CATSPERB: variants seen among roughly 807,000 people sequenced by gnomAD.
The protein encoded by CATSPERB is catsper channel auxiliary subunit beta, also known as cation channel sperm-associated auxiliary subunit beta.
CATSPERB carries 93 observed loss-of-function variants against 128.3 expected under a neutral mutation model. The observed-to-expected ratio is 0.72, with a 90% CI of 0.61 to 0.86. CATSPERB has a LOEUF of 0.86. Ranked by LOEUF, CATSPERB falls within the 40% of genes least tolerant of loss-of-function variation. CATSPERB has a pLI of 0.00. For missense variants in CATSPERB, 1,153 were observed against 1,329.5 expected (o/e 0.87, Z 2.06); for synonymous variants, 381 against 448.8 (o/e 0.85, Z 1.91).
At position 91,721,707 on chromosome 14, in the gene CATSPERB, A is replaced by G. The variant is rs111484352; in HGVS notation, c.309+1342T>C. ...CTACTAAAAATACAAAAAATTAGCC[A>G]GGTTTGGTGGCGGATGCCTGTAGTC... On this transcript the variant is annotated intron_variant, in intron 4 of 26. Transcript: ENST00000256343. Among the ~76,000 whole-genome samples, 944 of 152,180 alleles carry G rather than the reference A, an allele frequency of 6.2e-3. 15 individuals carry two copies. The highest frequency in any genetic ancestry group is 0.021 in the African/African-American group (888 of 41,514).
rs1371834840 is a variant in CATSPERB at position 91,689,169 on chromosome 14, C to T, written c.864+2354G>A. ...GGGAGAATGCAGCTCTCCCGGTAGG[C>T]CCATCTCTAGCCTTACTCTCAGCCA... On this transcript the variant is annotated intron_variant, in intron 10 of 26. Coordinates refer to ENST00000256343, the MANE Select transcript of CATSPERB (RefSeq NM_024764.4). Among the ~76,000 whole-genome samples, 13 of 152,310 alleles carry T rather than the reference C, an allele frequency of 8.5e-5. No individual in the cohort carries two copies. In the East Asian group the frequency reaches 2.5e-3, roughly 29 times the overall value.
chr14:91,605,438 A>T, intron 22 of CATSPERB: 1 of 494,930 alleles, frequency 2.0e-6, no homozygotes, highest in Non-Finnish European at 3.6e-6. Flanking sequence ...AAGCGAAAGT[A>T]TCAAGAGGTT....
intron 11 of CATSPERB, among the ~76,000 whole-genome samples, chr14:91,675,384 G>A (rs1895176131): frequency 6.6e-6 from 1 of 152,200 alleles, no homozygotes. Context: ...CAGGGAAAGT[G>A]ACAAGTGAAG....
At chr14:91,713,497 C>T (rs1341604739) in intron 5 of CATSPERB, among the ~76,000 whole-genome samples, 2 of 152,138 alleles carry the variant, frequency 1.3e-5, no homozygotes, top group African/African-American at 4.8e-5. Context: ...AACACCACTA[C>T]AGACACTATA....
At chr14:91,581,313 G>A (rs879281104) in intron 26 of CATSPERB, among the ~76,000 whole-genome samples, 4 of 152,216 alleles carry the variant, frequency 2.6e-5, no homozygotes, top group Non-Finnish European at 4.4e-5. Flanking sequence ...AGAAGTCCAT[G>A]TATTATCCTA....
intron 3 of CATSPERB, 131 bp from the exon 4 acceptor site, chr14:91,723,320 C>A (rs2139780707): frequency 1.8e-6 from 1 of 545,540 alleles, no homozygotes; most frequent in Admixed American, 4.3e-5. Context: ...TACAAGTATA[C>A]TTTCAGAACT....
chr14:91,603,954 G>A (rs1227582785), intron 22 of CATSPERB, among the ~76,000 whole-genome samples: 5 of 130,620 alleles, frequency 3.8e-5, no homozygotes, highest in African/African-American at 1.4e-4. Context: ...GTCTATTCAA[G>A]AACTTCATCT....
chr14:91,636,721 C>T, intron 16 of CATSPERB, 142 bp from the exon 17 acceptor site: 1 of 727,540 alleles, frequency 1.4e-6, no homozygotes, highest in Non-Finnish European at 2.2e-6. Flanking sequence ...TCAACGTGTT[C>T]TGTTGGAACA....
Position 91,624,912 on chromosome 14 carries a change from C to A in CATSPERB, c.1838G>T (p.Gly613Val). The change falls in exon 18 of 27, where the codon GGA becomes GTA. Residue 613 changes from glycine to valine, a missense_variant. Coordinates refer to ENST00000256343, the MANE Select transcript of CATSPERB (RefSeq NM_024764.4). Reference protein sequence around the residue: ...SVIAEMKEPFGLEEVNESSCL... With the variant: ...SVIAEMKEPFVLEEVNESSCL... ...AGAGCTCTCATTCACTTCTTCTAAT[C>A]CAAAGGGCTCTTTCATTTCTGCAAT... 6.2e-7 allele frequency: 1 copy of A among 1,613,240 alleles called. No individual in the cohort carries two copies. Among genetic ancestry groups the A allele is most frequent in the South Asian group, 1.1e-5 (1 of 90,854 alleles).
Position 91,659,898 on chromosome 14 carries a change from A to C in CATSPERB, c.1371T>G (p.Ser457Arg), listed in dbSNP as rs1298917283. The C allele has an allele frequency of 2.5e-6, 4 of 1,603,196 alleles. No individual in the cohort carries two copies. The African/African-American group carries it at 5.4e-5, about 22-fold the overall frequency. Residue 457 changes from serine (S) to arginine (R), a missense_variant, in exon 15 of 27, where the codon AGT becomes AGG. Physicochemically the swap from Ser to Arg is moderately radical, Grantham distance 110. Transcript: ENST00000256343. ...HDDIIKKTFH[S>R]FYTSAITFVS... ...CAAAAGTAATAGCTGATGTATAAAA[A>C]CTATGAAAAGTCTTCTTTATGATAT...
intron 6 of CATSPERB, 88 bp downstream of exon 6, chr14:91,708,053 C>T (rs1895765090): frequency 1.2e-6 from 1 of 849,712 alleles, no homozygotes; most frequent in African/African-American, 1.7e-5. Flanking sequence ...TCTCTAGGAC[C>T]TTAGCACAGA....
At chr14:91,727,785 G>C (rs904518789) in intron 2 of CATSPERB, among the ~76,000 whole-genome samples, 3 of 151,798 alleles carry the variant, frequency 2.0e-5, no homozygotes, top group Non-Finnish European at 4.4e-5. Flanking sequence ...GAGCCATTAA[G>C]GCTCAAATGG....
intron 22 of CATSPERB, chr14:91,604,502 C>G: frequency 6.2e-7 from 1 of 1,601,246 alleles, no homozygotes. Flanking sequence ...TACATTATGG[C>G]CTTCCCCAGC....
At chr14:91,711,607 G>A (rs1895840860) in intron 5 of CATSPERB, among the ~76,000 whole-genome samples, 1 of 152,154 alleles carries the variant, frequency 6.6e-6, no homozygotes, top group African/African-American at 2.4e-5. Flanking sequence ...AAAGGTGAAA[G>A]GATGAAAAAA....
intron 19 of CATSPERB, among the ~76,000 whole-genome samples, chr14:91,621,070 A>G (rs1894032845): frequency 6.6e-6 from 1 of 152,208 alleles, no homozygotes; most frequent in South Asian, 2.1e-4. Context: ...ATTATAATCT[A>G]TATTTTTAGG....
intron 7 of CATSPERB, among the ~76,000 whole-genome samples, 198 bp downstream of exon 7, chr14:91,704,354 A>T (rs1045781346): frequency 2.6e-5 from 4 of 152,222 alleles, no homozygotes; most frequent in Non-Finnish European, 4.4e-5. Context: ...CATGGCAAAA[A>T]GTCACAGTAA....
chr14:91,695,223 A>T (rs1376573961), intron 7 of CATSPERB, among the ~76,000 whole-genome samples: 1 of 149,138 alleles, frequency 6.7e-6, no homozygotes, highest in Non-Finnish European at 1.5e-5. Flanking sequence ...TTCGCCTCCC[A>T]GGTTCGAGCA....
intron 5 of CATSPERB, 120 bp downstream of exon 5, chr14:91,719,298 T>G (rs943089648): frequency 1.6e-6 from 1 of 618,800 alleles, no homozygotes; most frequent in South Asian, 3.7e-5. Flanking sequence ...ATGCCCCAAA[T>G]ACCACATGGG....
intron 19 of CATSPERB, among the ~76,000 whole-genome samples, chr14:91,620,181 T>A (rs1274429335): frequency 6.6e-6 from 1 of 152,102 alleles, no homozygotes. Context: ...CTTCTCCCCA[T>A]TCTAAGCCCA....
Sources: gnomAD v4.1 joint callset for allele counts (sites outside exome capture counted in the v4.1 genomes callset) on GRCh38, gnomAD v4.1.1 for gene constraint, MANE v1.5 for transcripts, NCBI Gene and HGNC (gene_info 2026-07-23, HGNC 2026-07-21) for gene names.